PDZRN3: variants seen among roughly 807,000 people sequenced by gnomAD.
PDZRN3 encodes the protein PDZ domain containing ring finger 3, also known as E3 ubiquitin-protein ligase PDZRN3.
Under a neutral mutation model 85.7 loss-of-function variants are expected in PDZRN3, and 38 were observed. The observed-to-expected ratio is 0.44, with a 90% CI of 0.34 to 0.58. The LOEUF is 0.58. Among genes scored for constraint, PDZRN3 ranks in the 20% least tolerant of loss-of-function variants. The pLI, the probability that PDZRN3 is intolerant of heterozygous loss-of-function variation, is 0.01. For synonymous variants in PDZRN3, 759 were observed against 638.0 expected, an observed-to-expected ratio of 1.19 and a Z score of -2.86; for missense variants, 1,629 against 1,506.4, an observed-to-expected ratio of 1.08 and a Z score of -1.35.
chr3:73,476,051 A>C (rs1236648566), intron 3 of PDZRN3, among the ~76,000 whole-genome samples: 1 of 152,202 alleles, frequency 6.6e-6, no homozygotes, highest in Non-Finnish European at 1.5e-5. Context: ...ACATTCTTAG[A>C]AACACAGACC....
Position 73,520,206 on chromosome 3 carries a change from T to C in PDZRN3, c.918+82148A>G, listed in dbSNP as rs9839521. The stretch of plus-strand genomic sequence containing the variant: ...TATCTTTGGGGCTGCTAATTAGCTA[T>C]ATCAAGAGTAAACTAGGCCAGGTGT... On this transcript the variant is annotated intron_variant, in intron 3 of 9. Coordinates refer to ENST00000263666, the MANE Select transcript of PDZRN3 (RefSeq NM_015009.3). 5.3e-3 allele frequency among the ~76,000 whole-genome samples: 813 copies of C among 152,292 alleles called. 9 individuals carry two copies. Among genetic ancestry groups the C allele is most frequent in the African/African-American group, 0.019 (780 of 41,558 alleles).
intron 3 of PDZRN3, chr3:73,407,934 C>A: frequency 1.7e-6 from 1 of 579,700 alleles, no homozygotes. Flanking sequence ...GAGGGAAGAG[C>A]AGTAGCAACC....
rs537643567 is a variant in PDZRN3, at chr3:73,484,082, C to T, written c.919-79687G>A. ...ATCCTGGCAAACATGATGCGGGGGC[C>T]TGGGGTGGATAAGGAGGGGATGATA... On this transcript the variant is annotated intron_variant, in intron 3 of 9. Transcript: ENST00000263666. Among the ~76,000 whole-genome samples the T allele has an allele frequency of 9.3e-4, 141 of 151,994 alleles. 1 individual carries two copies. The highest frequency in any genetic ancestry group is 2.8e-3 in the African/African-American group (118 of 41,426).
chr3:73,499,145 C>T (rs1703926352), intron 3 of PDZRN3, among the ~76,000 whole-genome samples: 1 of 152,140 alleles, frequency 6.6e-6, no homozygotes, highest in South Asian at 2.1e-4. Context: ...GTCCTGGATC[C>T]CTTACCACCT....
intron 3 of PDZRN3, among the ~76,000 whole-genome samples, chr3:73,554,899 A>G (rs1421376258): frequency 6.6e-6 from 1 of 152,224 alleles, no homozygotes; most frequent in Non-Finnish European, 1.5e-5. Context: ...TTTGGAGAGT[A>G]TGTCTAATAA....
chr3:73,467,182 C>G (rs1243250938), intron 3 of PDZRN3, among the ~76,000 whole-genome samples: 1 of 152,118 alleles, frequency 6.6e-6, no homozygotes, highest in Non-Finnish European at 1.5e-5. Context: ...GAGCAGCTTC[C>G]AAGCACCATG....
At chr3:73,466,028 C>T (rs62246079) in intron 3 of PDZRN3, among the ~76,000 whole-genome samples, 28,736 of 152,044 alleles carry the variant, frequency 0.19, 3,203 homozygotes, top group African/African-American at 0.31. Context: ...AAGCTAATTA[C>T]GCTTTACTCT....
chr3:73,533,549 T>G (rs1367671947), intron 3 of PDZRN3, among the ~76,000 whole-genome samples: 1 of 151,110 alleles, frequency 6.6e-6, no homozygotes, highest in South Asian at 2.1e-4. Context: ...AAAAAATTGT[T>G]TTTTTTTTTA....
chr3:73,530,151 G>A lies in PDZRN3; in HGVS notation c.918+72203C>T, dbSNP rs149056931. On this transcript the variant is annotated intron_variant, in intron 3 of 9. Transcript: ENST00000263666. ...ATCGCACTCTGGGGGTCAAATTTTG[G>A]CCTCACCACAGTGGTTCTGTTGATC... 8.4e-4 allele frequency among the ~76,000 whole-genome samples: 128 copies of A among 152,256 alleles called. 1 individual carries two copies. Among genetic ancestry groups the A allele is most frequent in the African/African-American group, 3.0e-3 (124 of 41,552 alleles).
chr3:73,458,184 A>G (rs1191822275), intron 3 of PDZRN3, among the ~76,000 whole-genome samples: 2 of 152,112 alleles, frequency 1.3e-5, no homozygotes, highest in African/African-American at 4.8e-5. Context: ...GTTACAGTTT[A>G]GCTTGGGGTG....
At chr3:73,490,854 G>A (rs1038340913) in intron 3 of PDZRN3, among the ~76,000 whole-genome samples, 1 of 152,216 alleles carries the variant, frequency 6.6e-6, no homozygotes, top group Non-Finnish European at 1.5e-5. Flanking sequence ...ACCTAGACCA[G>A]CTGGCTGCCA....
chr3:73,525,772 G>A (rs1704508122), intron 3 of PDZRN3, among the ~76,000 whole-genome samples: 1 of 152,100 alleles, frequency 6.6e-6, no homozygotes, highest in African/African-American at 2.4e-5. Flanking sequence ...GCATTTTCTG[G>A]GTCTCACCCC....
chr3:73,456,492 A>G (rs1404409955), intron 3 of PDZRN3, among the ~76,000 whole-genome samples: 1 of 152,248 alleles, frequency 6.6e-6, no homozygotes, highest in African/African-American at 2.4e-5. Context: ...AAGAAAAAAT[A>G]AAATTATTCT....
intron 3 of PDZRN3, among the ~76,000 whole-genome samples, chr3:73,487,184 T>A (rs1454561407): frequency 6.6e-6 from 1 of 152,158 alleles, no homozygotes; most frequent in Non-Finnish European, 1.5e-5. Context: ...ATCTCTAAAT[T>A]TATAGGTATT....
chr3:73,555,556 T>C (rs1216817912), intron 3 of PDZRN3, among the ~76,000 whole-genome samples: 1 of 152,216 alleles, frequency 6.6e-6, no homozygotes, highest in Non-Finnish European at 1.5e-5. Flanking sequence ...AAAATAAGGG[T>C]TGTCTTCAGG....
chr3:73,589,183 A>G (rs1439139076), intron 3 of PDZRN3, among the ~76,000 whole-genome samples: 1 of 151,890 alleles, frequency 6.6e-6, no homozygotes, highest in Non-Finnish European at 1.5e-5. Flanking sequence ...TAGCTGGGAC[A>G]CTTTTGGTTT....
At chr3:73,571,893 C>T (rs377409893) in intron 3 of PDZRN3, among the ~76,000 whole-genome samples, 1 of 152,142 alleles carries the variant, frequency 6.6e-6, no homozygotes, top group Non-Finnish European at 1.5e-5. Context: ...CTCCAATCCT[C>T]GGGCTGGGAA....
chr3:73,448,440 T>C (rs528551543), intron 3 of PDZRN3, among the ~76,000 whole-genome samples: 1 of 152,334 alleles, frequency 6.6e-6, no homozygotes, highest in African/African-American at 2.4e-5. Context: ...GTTCCATCCC[T>C]TGTATAGCTC....
At chr3:73,448,656 A>T (rs749371790) in intron 3 of PDZRN3, among the ~76,000 whole-genome samples, 10 of 152,208 alleles carry the variant, frequency 6.6e-5, no homozygotes, top group Non-Finnish European at 1.5e-4. Context: ...TAGAAGCTTC[A>T]CAAGTGAGCA....
Sources: gnomAD v4.1 joint callset for allele counts (sites outside exome capture counted in the v4.1 genomes callset) on GRCh38, gnomAD v4.1.1 for gene constraint, MANE v1.5 for transcripts, NCBI Gene and HGNC (gene_info 2026-07-23, HGNC 2026-07-21) for gene names.